TECRL: variants seen among roughly 807,000 people sequenced by gnomAD.
TECRL encodes the protein trans-2,3-enoyl-CoA reductase like.
TECRL carries 63 observed loss-of-function variants against 52.8 expected under a neutral mutation model. The ratio of observed to expected loss-of-function variants is 1.19; its 90% CI spans 0.97 to 1.47. The LOEUF (loss-of-function observed/expected upper bound fraction) is 1.47. Among genes scored for constraint, TECRL ranks in the 40% most tolerant of loss-of-function variants. The pLI is 0.00. For synonymous variants in TECRL, 164 were observed against 141.9 expected (o/e 1.16, Z -1.10); for missense variants, 482 against 429.6 (o/e 1.12, Z -1.08).
At chr4:64,395,368 T>G (rs1389650773) in intron 1 of TECRL, among the ~76,000 whole-genome samples, 1 of 152,192 alleles carries the variant, frequency 6.6e-6, no homozygotes, top group Non-Finnish European at 1.5e-5. Flanking sequence ...TAAATGCTAA[T>G]TTTATGAGGA....
intron 1 of TECRL, among the ~76,000 whole-genome samples, chr4:64,383,400 T>A (rs1372082126): frequency 4.6e-5 from 7 of 152,102 alleles, no homozygotes; most frequent in Non-Finnish European, 8.8e-5. Flanking sequence ...TTTTGAATAT[T>A]TGGTTGCTTT....
In TECRL at chr4:64,343,723, AT is replaced by A. The variant is rs112718455; in HGVS notation, c.287-15168del. ...TGGGGAAAATACTTTCTTGCTACAA[AT>A]TATTCAACAGTTAGGTTTCTACTCA... is the stretch of plus-strand genomic sequence containing the variant. On this transcript the variant is annotated intron_variant, in intron 2 of 11. Coordinates refer to ENST00000381210, the MANE Select transcript of TECRL (RefSeq NM_001010874.5). Among the ~76,000 whole-genome samples the A allele has an allele frequency of 3.3e-3, 505 of 152,214 alleles. 5 individuals carry two copies. Among genetic ancestry groups the A allele is most frequent in the African/African-American group, 0.011 (467 of 41,574 alleles).
At chr4:64,306,265 G>A (rs555494387) in intron 6 of TECRL, among the ~76,000 whole-genome samples, 6 of 152,248 alleles carry the variant, frequency 3.9e-5, no homozygotes, top group East Asian at 1.9e-4. Context: ...TCATCCGTGG[G>A]TGTTGGGAAT....
At chr4:64,385,209 G>T (rs908548314) in intron 1 of TECRL, among the ~76,000 whole-genome samples, 1 of 152,132 alleles carries the variant, frequency 6.6e-6, no homozygotes, top group African/African-American at 2.4e-5. Context: ...GCTGTGGCAG[G>T]CCAGGTGGAT....
chr4:64,296,860 A>G (rs1356376305), intron 8 of TECRL, among the ~76,000 whole-genome samples: 1 of 151,684 alleles, frequency 6.6e-6, no homozygotes, highest in Non-Finnish European at 1.5e-5. Context: ...ATTGCATCTA[A>G]AATTTGTGTG....
At chr4:64,306,523 T>C (rs1167017680) in intron 6 of TECRL, among the ~76,000 whole-genome samples, 1 of 152,164 alleles carries the variant, frequency 6.6e-6, no homozygotes, top group Non-Finnish European at 1.5e-5. Flanking sequence ...TATTCAATGT[T>C]ATGTATGTTT....
Position 64,278,474 on chromosome 4 carries a change from A to T in TECRL, c.*1598T>A, listed in dbSNP as rs887888409. 1 of 250,032 alleles carries T rather than the reference A, an allele frequency of 4.0e-6. No individual in the cohort carries two copies. Among genetic ancestry groups the T allele is most frequent in the South Asian group, 1.5e-4 (1 of 6,740 alleles). The allele number at this position is 250,032 out of a possible 1,614,324, so 15.5% of individuals were successfully genotyped here. On this transcript the variant is annotated 3_prime_UTR_variant, in exon 12 of 12. Coordinates refer to ENST00000381210, the MANE Select transcript of TECRL (RefSeq NM_001010874.5). Reference sequence around the variant, plus strand: ...AAAAATCAGATACTTTTTAAATTAAATTTTATTTTTTGAGCGACATAAGAA... The same window carrying T: ...AAAAATCAGATACTTTTTAAATTAATTTTTATTTTTTGAGCGACATAAGAA...
chr4:64,357,382 AAATAG>A (rs1720843355), intron 2 of TECRL, among the ~76,000 whole-genome samples: 1 of 151,578 alleles, frequency 6.6e-6, no homozygotes. Context: ...CCTGAAAAAT[AAATAG>A]AAGAGATGTC....
chr4:64,305,597 A>G (rs1327849250), intron 6 of TECRL, among the ~76,000 whole-genome samples: 2 of 152,168 alleles, frequency 1.3e-5, no homozygotes, highest in Non-Finnish European at 2.9e-5. Context: ...TGTTTGCTCA[A>G]AAGGGACTTT....
rs1382648656 is a variant in TECRL, at chr4:64,281,093, T to C, written c.919-7A>G. The stretch of plus-strand genomic sequence containing the variant: ...AACTAATCCATGATCCAATCTGTTA[T>C]ATTAAAACTTAAATTAGCACATACA... On this transcript the variant is annotated splice_region_variant and splice_polypyrimidine_tract_variant and intron_variant, in intron 10 of 11. Coordinates refer to ENST00000381210, the MANE Select transcript of TECRL (RefSeq NM_001010874.5). The C allele has an allele frequency of 1.3e-6, 2 of 1,593,382 alleles. No individual in the cohort carries two copies. Among genetic ancestry groups the C allele is most frequent in the South Asian group, 1.1e-5 (1 of 87,334 alleles).
chr4:64,378,336 C>A (rs1239627457), intron 1 of TECRL, among the ~76,000 whole-genome samples: 1 of 151,992 alleles, frequency 6.6e-6, no homozygotes, highest in African/African-American at 2.4e-5. Context: ...GAAACCAAGG[C>A]AGAAGGATCA....
At chr4:64,337,219 T>C (rs1719164277) in intron 2 of TECRL, among the ~76,000 whole-genome samples, 1 of 152,086 alleles carries the variant, frequency 6.6e-6, no homozygotes, top group Non-Finnish European at 1.5e-5. Context: ...TTTGACAAAA[T>C]TCAGCAGCCC....
At chr4:64,402,785 AAGGGT>A (rs1287528800) in intron 1 of TECRL, among the ~76,000 whole-genome samples, 1 of 152,102 alleles carries the variant, frequency 6.6e-6, no homozygotes, top group Non-Finnish European at 1.5e-5. Context: ...TTGAAAAATG[AAGGGT>A]AAGTCTGTAA....
chr4:64,290,212 C>G (rs929546228), intron 8 of TECRL, among the ~76,000 whole-genome samples: 1 of 152,088 alleles, frequency 6.6e-6, no homozygotes, highest in Non-Finnish European at 1.5e-5. Flanking sequence ...TTTGGAAAAC[C>G]TACTGTGAGC....
At position 64,285,470 on chromosome 4, in the gene TECRL, G is replaced by T. The variant is rs149450121; in HGVS notation, c.833-3911C>A. ...ACATTTTGTACAATCAATATTAAATGGTTCCCTTCTAGACATAACCATGCC... is the reference window on the plus strand; with the variant it reads ...ACATTTTGTACAATCAATATTAAATTGTTCCCTTCTAGACATAACCATGCC... On this transcript the variant is annotated intron_variant, in intron 9 of 11. Coordinates refer to ENST00000381210, the MANE Select transcript of TECRL (RefSeq NM_001010874.5). 1.4e-3 allele frequency among the ~76,000 whole-genome samples: 213 copies of T among 152,068 alleles called. 2 individuals are homozygous for T. The highest frequency in any genetic ancestry group is 6.6e-4 in the Non-Finnish European group (45 of 67,976).
chr4:64,408,743 T>C (rs1724897425), intron 1 of TECRL, among the ~76,000 whole-genome samples: 2 of 152,084 alleles, frequency 1.3e-5, no homozygotes, highest in African/African-American at 4.8e-5. Context: ...AATCAAACTC[T>C]ATGATAATTT....
chr4:64,403,475 G>GCGCGCGCACACACACACACACA (rs59253067), intron 1 of TECRL, among the ~76,000 whole-genome samples: 2 of 148,238 alleles, frequency 1.3e-5, no homozygotes, highest in African/African-American at 5.0e-5. Context: ...CTCCCTGAGC[G>GCGCGCGCACACACACACACACA]CACACACACA....
chr4:64,319,107 C>T (rs948653209), intron 4 of TECRL, among the ~76,000 whole-genome samples: 50 of 151,708 alleles, frequency 3.3e-4, no homozygotes, highest in Non-Finnish European at 1.2e-4. Context: ...CAAGGGTTCA[C>T]TCTGTAATCT....
At chr4:64,320,322 A>T (rs1297749404) in intron 4 of TECRL, among the ~76,000 whole-genome samples, 1 of 151,942 alleles carries the variant, frequency 6.6e-6, no homozygotes, top group Non-Finnish European at 1.5e-5. Context: ...TATTATAGGA[A>T]CAAATTTTCA....
Sources: allele counts gnomAD v4.1 joint callset (sites outside exome capture counted in the v4.1 genomes callset), GRCh38; gene constraint gnomAD v4.1.1; transcripts MANE v1.5; gene names NCBI Gene and HGNC (gene_info 2026-07-23, HGNC 2026-07-21).